SIPA1L2: variants seen among roughly 807,000 people sequenced by gnomAD.
SIPA1L2 encodes signal-induced proliferation-associated 1-like protein 2.
Under a neutral mutation model 163.9 loss-of-function variants are expected in SIPA1L2, and 56 were observed. The observed-to-expected ratio is 0.34, with a 90% CI of 0.28 to 0.43. The LOEUF is 0.43. Ranked by LOEUF, SIPA1L2 falls within the 20% of genes least tolerant of loss-of-function variation. The pLI is 1.00. For missense variants in SIPA1L2, 1,974 were observed against 2,193.5 expected (o/e 0.90, Z 2.00); for synonymous variants, 877 against 865.7 (o/e 1.01, Z -0.23).
chr1:232,486,876 A>C lies in SIPA1L2; in HGVS notation c.1807-2910T>G, dbSNP rs140812664. On this transcript the variant is annotated intron_variant, in intron 5 of 22. Transcript: ENST00000674635. ...CATACTTCTTCAGCTCCATCATAAT[A>C]TAAAGTAAAGGAGGGACTCCAGATT... Among the ~76,000 whole-genome samples, 1,298 of 152,318 alleles carry C rather than the reference A, an allele frequency of 8.5e-3. 13 individuals carry two copies. Among genetic ancestry groups the C allele is most frequent in the Non-Finnish European group, 9.6e-3 (656 of 68,028 alleles).
chr1:232,510,391 C>T lies in SIPA1L2; in HGVS notation c.1483+3466G>A, dbSNP rs570638949. ...TAGTCTAGAATTCTGCTTTCTGACTCGTTTATAAATCCACTGCAAAGCTCA... is the reference window on the plus strand; with the variant it reads ...TAGTCTAGAATTCTGCTTTCTGACTTGTTTATAAATCCACTGCAAAGCTCA... On this transcript the variant is annotated intron_variant, in intron 3 of 22. Coordinates refer to ENST00000674635, the MANE Select transcript of SIPA1L2 (RefSeq NM_020808.5). 2.0e-4 allele frequency among the ~76,000 whole-genome samples: 30 copies of T among 152,254 alleles called. 1 individual carries two copies. In the South Asian group the frequency reaches 4.8e-3, roughly 24 times the overall value.
In SIPA1L2 at chr1:232,401,883, G is replaced by C. The variant is rs528240683; in HGVS notation, c.5022+509C>G. On this transcript the variant is annotated intron_variant, in intron 22 of 22. Coordinates refer to ENST00000674635, the MANE Select transcript of SIPA1L2 (RefSeq NM_020808.5). ...ACAGCCAACTGGCTCTCCAGCACAG[G>C]GCTGATGGAACAGAGCTCAGCCAAG... Among the ~76,000 whole-genome samples the C allele has an allele frequency of 2.3e-3, 343 of 152,290 alleles. 7 individuals are homozygous for C. The highest frequency in any genetic ancestry group is 2.1e-4 in the Non-Finnish European group (14 of 68,034).
At chr1:232,477,959 G>T (rs548198986) in intron 7 of SIPA1L2, among the ~76,000 whole-genome samples, 5 of 152,260 alleles carry the variant, frequency 3.3e-5, no homozygotes, top group Middle Eastern at 6.8e-3. Flanking sequence ...TTCTGCTAAC[G>T]TACTGACAGA....
At chr1:232,403,280 G>A (rs1426609480) in intron 21 of SIPA1L2, among the ~76,000 whole-genome samples, 168 bp downstream of exon 21, 4 of 152,200 alleles carry the variant, frequency 2.6e-5, no homozygotes, top group East Asian at 1.9e-4. Context: ...CCACAGCAGG[G>A]CAGGGAGCCA....
intron 2 of SIPA1L2, among the ~76,000 whole-genome samples, chr1:232,563,945 T>C (rs1435825352): frequency 8.8e-6 from 1 of 113,520 alleles, no homozygotes; most frequent in Non-Finnish European, 1.6e-5. Flanking sequence ...CAAAGGTTTG[T>C]TTTTTTTTTT....
At chr1:232,505,370 A>T (rs1666680107) in intron 3 of SIPA1L2, among the ~76,000 whole-genome samples, 1 of 152,242 alleles carries the variant, frequency 6.6e-6, no homozygotes, top group Non-Finnish European at 1.5e-5. Context: ...TTTACTTCCA[A>T]CTTACTGTAC....
chr1:232,415,063 C>T lies in SIPA1L2; in HGVS notation c.4762+431G>A, dbSNP rs140848221. 4.1e-4 allele frequency among the ~76,000 whole-genome samples: 63 copies of T among 152,324 alleles called. 1 individual carries two copies. In the East Asian group the frequency reaches 9.9e-3, roughly 24 times the overall value. On this transcript the variant is annotated intron_variant, in intron 19 of 22. Transcript: ENST00000674635. Reference sequence around the variant, plus strand: ...CCAATCACGCTGGAGTCTGTGTTTACGCCAGGTGAACAGACTTCTCGGCCT... The same window carrying T: ...CCAATCACGCTGGAGTCTGTGTTTATGCCAGGTGAACAGACTTCTCGGCCT...
intron 6 of SIPA1L2, among the ~76,000 whole-genome samples, chr1:232,481,192 C>A (rs10910539): frequency 0.24 from 36,751 of 152,150 alleles, 4,633 homozygotes; most frequent in Admixed American, 0.34. Flanking sequence ...AAGTAACATT[C>A]CATTTTAATT....
intron 3 of SIPA1L2, among the ~76,000 whole-genome samples, chr1:232,508,511 G>C (rs1433023653): frequency 6.6e-6 from 1 of 152,240 alleles, no homozygotes; most frequent in Non-Finnish European, 1.5e-5. Flanking sequence ...AGGTCCAGAA[G>C]GAGGCAAAGC....
chr1:232,487,586 A>T (rs1572971331), intron 5 of SIPA1L2, among the ~76,000 whole-genome samples: 1 of 152,292 alleles, frequency 6.6e-6, no homozygotes, highest in East Asian at 1.9e-4. Context: ...ATCCTCTATA[A>T]TTTTATGAGT....
intron 7 of SIPA1L2, among the ~76,000 whole-genome samples, chr1:232,472,062 C>T (rs1376243413): frequency 6.6e-6 from 1 of 152,200 alleles, no homozygotes; most frequent in African/African-American, 2.4e-5. Flanking sequence ...AAATGCAATT[C>T]AGAAACACAG....
At chr1:232,496,615 GA>G in intron 3 of SIPA1L2, among the ~76,000 whole-genome samples, 1 of 150,718 alleles carries the variant, frequency 6.6e-6, no homozygotes, top group Non-Finnish European at 1.5e-5. Flanking sequence ...GTCTACTTCA[GA>G]CTACTAAACT....
chr1:232,577,048 T>G (rs1660115531), intron 1 of SIPA1L2, among the ~76,000 whole-genome samples: 1 of 152,172 alleles, frequency 6.6e-6, no homozygotes, highest in African/African-American at 2.4e-5. Flanking sequence ...CTTTCACAGC[T>G]AGAGAGGGGA....
At chr1:232,466,739 C>A (rs530905575) in intron 8 of SIPA1L2, among the ~76,000 whole-genome samples, 3 of 151,962 alleles carry the variant, frequency 2.0e-5, no homozygotes, top group South Asian at 2.1e-4. Flanking sequence ...TGCAGTGAGC[C>A]GAGATCACGC....
chr1:232,504,933 G>A (rs949100413), intron 3 of SIPA1L2, among the ~76,000 whole-genome samples: 14 of 152,132 alleles, frequency 9.2e-5, no homozygotes, highest in African/African-American at 3.4e-4. Context: ...AGCAGCTTGA[G>A]GCTAAAAAAA....
chr1:232,550,093 T>C (rs1440521859), intron 2 of SIPA1L2, among the ~76,000 whole-genome samples: 1 of 152,224 alleles, frequency 6.6e-6, no homozygotes, highest in East Asian at 1.9e-4. Flanking sequence ...ACTACCCACA[T>C]CCATTTCAGA....
intron 10 of SIPA1L2, among the ~76,000 whole-genome samples, chr1:232,445,988 C>A (rs1325347699): frequency 6.6e-6 from 1 of 152,192 alleles, no homozygotes; most frequent in Non-Finnish European, 1.5e-5. Context: ...TCCTCTTCTG[C>A]CAGCAATGAC....
In SIPA1L2 at chr1:232,516,081, C is replaced by CA. The variant is rs1281003228; in HGVS notation, c.-269-474dup. 3.9e-5 allele frequency among the ~76,000 whole-genome samples: 6 copies of CA among 152,334 alleles called. No homozygotes were observed. In the East Asian group the frequency reaches 1.2e-3, roughly 29 times the overall value. ...GCATGAATTGGCTACAAGAGCAGCA[C>CA]AAGTCATGTATATAATGGGTTTCAG... On this transcript the variant is annotated intron_variant, in intron 2 of 22. Coordinates refer to ENST00000674635, the MANE Select transcript of SIPA1L2 (RefSeq NM_020808.5).
intron 1 of SIPA1L2, among the ~76,000 whole-genome samples, chr1:232,578,042 A>C (rs1323429784): frequency 1.3e-5 from 2 of 152,306 alleles, no homozygotes; most frequent in African/African-American, 4.8e-5. Context: ...TACCCAGCCC[A>C]ACCTTCAGCC....
Sources: gnomAD v4.1 joint callset for allele counts (sites outside exome capture counted in the v4.1 genomes callset) on GRCh38, gnomAD v4.1.1 for gene constraint, MANE v1.5 for transcripts, NCBI Gene and HGNC (gene_info 2026-07-23, HGNC 2026-07-21) for gene names.